Variants in PPARGC1B observed in about 807,000 individuals in gnomAD.
The protein encoded by PPARGC1B is peroxisome proliferator-activated receptor gamma coactivator 1-beta.
In PPARGC1B, 34 loss-of-function variants were observed where a neutral mutation model predicts 101.6. That is an observed-to-expected ratio of 0.33 (90% confidence interval 0.25 to 0.45). The LOEUF is 0.45. PPARGC1B is among the 20% of genes least tolerant of loss of function. The probability of loss-of-function intolerance (pLI) is 1.00; values close to 1 mark genes in which losing one functional copy is unlikely to be tolerated. For synonymous variants in PPARGC1B, 548 were observed against 539.3 expected (o/e 1.02, Z -0.22); for missense variants, 1,234 against 1,317.6 (o/e 0.94, Z 0.98).
intron 1 of PPARGC1B, among the ~76,000 whole-genome samples, chr5:149,788,576 A>G (rs1756894758): frequency 1.3e-5 from 2 of 152,196 alleles, no homozygotes; most frequent in African/African-American, 4.8e-5. Flanking sequence ...CCATTACTGG[A>G]TATATGCCCA....
intron 6 of PPARGC1B, 120 bp downstream of exon 6, chr5:149,834,830 G>A: frequency 1.2e-6 from 1 of 851,762 alleles, no homozygotes; most frequent in Non-Finnish European, 1.9e-6. Flanking sequence ...CACACCCTGT[G>A]CCCTGATTGT....
In PPARGC1B at chr5:149,833,554, A is replaced by T. The variant is rs1758909783; in HGVS notation, c.1481A>T (p.Asp494Val). ...CTGGGCCCCTGGCTGACATTTGCAG[A>T]TGAGCCGCTGGTCCCCTCGGAGCCC... The part of the protein sequence containing the change: ...PELGPWLTFA[D>V]EPLVPSEPQG... The change falls in exon 5 of 12, where the codon GAT (aspartate) becomes GTT (valine). Residue 494 changes from aspartate (D) to valine (V), a missense_variant. This residue lies in a region of PPARGC1B where 734 missense variants were observed against 768.4 expected (regional missense o/e 0.96). Coordinates refer to ENST00000309241, the MANE Select transcript of PPARGC1B (RefSeq NM_133263.4). The surrounding 1 kb of genome is among the most constrained non-coding windows in gnomAD (Gnocchi z 4.1). 3.2e-6 allele frequency: 5 copies of T among 1,585,766 alleles called. No individual in the cohort carries two copies. The African/African-American group carries it at 5.4e-5, about 17-fold the overall frequency.
intron 1 of PPARGC1B, among the ~76,000 whole-genome samples, chr5:149,768,290 C>T (rs1755992650): frequency 6.6e-6 from 1 of 152,150 alleles, no homozygotes; most frequent in Non-Finnish European, 1.5e-5. Flanking sequence ...TAGGGTTTTT[C>T]TTTAGACAAG....
intron 2 of PPARGC1B, among the ~76,000 whole-genome samples, chr5:149,824,510 C>T (rs1266150263): frequency 6.6e-6 from 1 of 152,134 alleles, no homozygotes; most frequent in Non-Finnish European, 1.5e-5. Flanking sequence ...GAAGGCTGGC[C>T]AGGGATCATG....
intron 3 of PPARGC1B, among the ~76,000 whole-genome samples, chr5:149,828,119 T>G (rs1758600217): frequency 6.6e-6 from 1 of 152,236 alleles, no homozygotes; most frequent in Admixed American, 6.5e-5. Context: ...CAGCAAAGAC[T>G]AGAACTCAGG....
chr5:149,847,415 C>A (rs773337439), intron 11 of PPARGC1B, 43 bp from the exon 12 acceptor site: 1 of 1,435,680 alleles, frequency 7.0e-7, no homozygotes, highest in Non-Finnish European at 9.8e-7. Flanking sequence ...GTAAGTTGCT[C>A]ACTGCCTTCC....
chr5:149,754,774 A>ATTTT (rs10560122), intron 1 of PPARGC1B, among the ~76,000 whole-genome samples: 2 of 68,466 alleles, frequency 2.9e-5, no homozygotes, highest in Non-Finnish European at 5.4e-5. Context: ...GAGCATCCTG[A>ATTTT]TTTTTTTTTT....
At chr5:149,767,583 C>T (rs1455762455) in intron 1 of PPARGC1B, among the ~76,000 whole-genome samples, 4 of 152,138 alleles carry the variant, frequency 2.6e-5, no homozygotes, top group African/African-American at 7.2e-5. Context: ...AATCTAGAAC[C>T]CTCTCAGTTC....
chr5:149,812,203 G>C (rs1757890503), intron 1 of PPARGC1B, among the ~76,000 whole-genome samples: 1 of 152,192 alleles, frequency 6.6e-6, no homozygotes, highest in Non-Finnish European at 1.5e-5. Flanking sequence ...CAATGGTCTG[G>C]TTTATCTCTG....
At position 149,756,893 on chromosome 5, in the gene PPARGC1B, G is replaced by T. The variant is rs143102291; in HGVS notation, c.78+26473G>T. Among the ~76,000 whole-genome samples, 727 of 152,262 alleles carry T rather than the reference G, an allele frequency of 4.8e-3. 5 individuals are homozygous for T. The highest frequency in any genetic ancestry group is 0.016 in the African/African-American group (685 of 41,536). The stretch of plus-strand genomic sequence containing the variant: ...ATGGGATCTGGTTCTGGACCCCTAG[G>T]ACTGGATCTCCTTGGCTTATTAATT... On this transcript the variant is annotated intron_variant, in intron 1 of 11. Coordinates refer to ENST00000309241, the MANE Select transcript of PPARGC1B (RefSeq NM_133263.4).
At chr5:149,762,479 C>T (rs1003892388) in intron 1 of PPARGC1B, among the ~76,000 whole-genome samples, 2 of 152,110 alleles carry the variant, frequency 1.3e-5, no homozygotes, top group Non-Finnish European at 2.9e-5. Flanking sequence ...CCTGCAGAGC[C>T]CTCAGGTACC....
Position 149,735,759 on chromosome 5 carries a change from G to A in PPARGC1B, c.78+5339G>A, listed in dbSNP as rs150729764. On this transcript the variant is annotated intron_variant, in intron 1 of 11. Transcript: ENST00000309241. ...TTGACTCTAAGCTCCTTGAAGACAG[G>A]GGCTACTCTCAGTTTTTGTTCATCA... Among the ~76,000 whole-genome samples the A allele has an allele frequency of 2.7e-3, 417 of 152,228 alleles. 6 individuals carry two copies. The highest frequency in any genetic ancestry group is 0.025 in the South Asian group (119 of 4,820).
downstream of PPARGC1B, among the ~76,000 whole-genome samples, chr5:149,857,064 C>T (rs1375204352): frequency 5.9e-5 from 9 of 151,998 alleles, no homozygotes; most frequent in African/African-American, 1.7e-4. Context: ...TGAGCCACCA[C>T]GCCTGGCCTA....
intron 1 of PPARGC1B, among the ~76,000 whole-genome samples, chr5:149,780,920 C>T (rs1009024594): frequency 1.3e-4 from 20 of 152,172 alleles, no homozygotes; most frequent in Admixed American, 4.6e-4. Flanking sequence ...AAGGGGCTTT[C>T]CGGCAGGGCG....
chr5:149,778,591 T>G (rs1428823064), intron 1 of PPARGC1B, among the ~76,000 whole-genome samples: 1 of 152,148 alleles, frequency 6.6e-6, no homozygotes, highest in East Asian at 1.9e-4. Flanking sequence ...TCACAAGGGC[T>G]TCCTTAGAAT....
chr5:149,785,832 T>A (rs1756782212), intron 1 of PPARGC1B, among the ~76,000 whole-genome samples: 1 of 151,914 alleles, frequency 6.6e-6, no homozygotes, highest in South Asian at 2.1e-4. Flanking sequence ...CCCCAACAAC[T>A]ATGAGGTAAG....
rs557055736 is a variant in PPARGC1B, at chr5:149,798,867, G to T, written c.79-21566G>T. Among the ~76,000 whole-genome samples, 3 of 152,246 alleles carry T rather than the reference G, an allele frequency of 2.0e-5. No homozygotes were observed. The South Asian group carries it at 6.2e-4, about 32-fold the overall frequency. On this transcript the variant is annotated intron_variant, in intron 1 of 11. Coordinates refer to ENST00000309241, the MANE Select transcript of PPARGC1B (RefSeq NM_133263.4). ...AAACAAGATGTCCATAATGTGCTTG[G>T]CACAAAAGAGAGGCTCAGCAAAGGG... is the stretch of plus-strand genomic sequence containing the variant.
intron 1 of PPARGC1B, among the ~76,000 whole-genome samples, chr5:149,792,260 GCT>G (rs2113260850): frequency 6.6e-6 from 1 of 152,324 alleles, no homozygotes; most frequent in East Asian, 1.9e-4. Flanking sequence ...AGCCAGCAGG[GCT>G]CCTCCAGTGT....
At chr5:149,778,108 C>CACAG (rs770017239) in intron 1 of PPARGC1B, among the ~76,000 whole-genome samples, 1 of 88,556 alleles carries the variant, frequency 1.1e-5, no homozygotes, top group Non-Finnish European at 2.2e-5. Context: ...CACACACACA[C>CACAG]ACAGAGTACC....
Sources: allele counts gnomAD v4.1 joint callset (sites outside exome capture counted in the v4.1 genomes callset), GRCh38; gene constraint gnomAD v4.1.1; regional missense constraint gnomAD v4.1.1; non-coding constraint Gnocchi (gnomAD v3.1); transcripts MANE v1.5; gene names NCBI Gene and HGNC (gene_info 2026-07-23, HGNC 2026-07-21).